The following BANK1 variants were observed in gnomAD, a reference collection of about 807,000 sequenced individuals.
BANK1 encodes B cell scaffold protein with ankyrin repeats 1.
A neutral mutation model predicts 94.5 loss-of-function variants in BANK1; 95 were observed. The ratio of observed to expected loss-of-function variants is 1.00; its 90% CI spans 0.85 to 1.19. BANK1 has a LOEUF of 1.19. BANK1 is among the 50% of genes most tolerant of loss of function. BANK1 has a pLI of 0.00. For synonymous variants in BANK1, 334 were observed against 308.4 expected, an observed-to-expected ratio of 1.08 and a Z score of -0.87; for missense variants, 987 against 932.2, an observed-to-expected ratio of 1.06 and a Z score of -0.77.
chr4:101,827,518 G>A (rs180703900), intron 1 of BANK1, among the ~76,000 whole-genome samples: 4 of 152,040 alleles, frequency 2.6e-5, no homozygotes, highest in Admixed American at 2.6e-4. Context: ...TTCCCACTGT[G>A]TAATCACTTT....
In BANK1 at chr4:101,882,609, G is replaced by A. The variant is rs553453774; in HGVS notation, c.903+11965G>A. On this transcript the variant is annotated intron_variant, in intron 5 of 16. Transcript: ENST00000322953. ...TGCATTAGTTCTGAATGAGGCAGGA[G>A]CAAGAGTTAGATTCTTTTACTAAAT... Among the ~76,000 whole-genome samples, 149 of 152,320 alleles carry A rather than the reference G, an allele frequency of 9.8e-4. 1 individual carries two copies. Among genetic ancestry groups the A allele is most frequent in the Non-Finnish European group, 1.7e-3 (117 of 68,022 alleles).
At chr4:102,060,860 T>C (rs1728396083) in intron 12 of BANK1, among the ~76,000 whole-genome samples, 1 of 152,182 alleles carries the variant, frequency 6.6e-6, no homozygotes, top group Non-Finnish European at 1.5e-5. Context: ...TTTACATATA[T>C]ATGTTCAAAT....
chr4:101,872,709 G>A (rs575090984), intron 5 of BANK1, among the ~76,000 whole-genome samples: 15 of 152,124 alleles, frequency 9.9e-5, no homozygotes, highest in African/African-American at 3.4e-4. Flanking sequence ...TTTTGTGGTC[G>A]GGCATGGTAA....
chr4:101,847,766 CACACACACAT>C (rs1378022064), intron 2 of BANK1, among the ~76,000 whole-genome samples: 3 of 149,332 alleles, frequency 2.0e-5, no homozygotes, highest in African/African-American at 7.5e-5. Context: ...CACACACACA[CACACACACAT>C]ATGTCTCACA....
intron 5 of BANK1, among the ~76,000 whole-genome samples, chr4:101,894,300 A>G (rs1436595341): frequency 6.6e-6 from 1 of 152,034 alleles, no homozygotes; most frequent in African/African-American, 2.4e-5. Context: ...ATGCTTATGA[A>G]TGCTGGGTTT....
intron 3 of BANK1, 102 bp downstream of exon 3, chr4:101,855,291 C>A: frequency 8.3e-7 from 1 of 1,209,202 alleles, no homozygotes; most frequent in Non-Finnish European, 1.1e-6. Context: ...GTTGCCCAGG[C>A]TGGTCTTTAA....
intron 1 of BANK1, among the ~76,000 whole-genome samples, chr4:101,808,260 T>C (rs66638185): frequency 0.26 from 40,011 of 151,990 alleles, 5,633 homozygotes; most frequent in Non-Finnish European, 0.32. Flanking sequence ...TAGACATTTC[T>C]GTTTTTTAGA....
chr4:101,901,788 T>G (rs1265944144), intron 6 of BANK1, among the ~76,000 whole-genome samples: 1 of 151,480 alleles, frequency 6.6e-6, no homozygotes, highest in Non-Finnish European at 1.5e-5. Flanking sequence ...TGAAACAGAG[T>G]CTTGCTCTGT....
intron 1 of BANK1, among the ~76,000 whole-genome samples, chr4:101,798,771 G>A (rs1197136696): frequency 1.3e-5 from 2 of 152,188 alleles, no homozygotes; most frequent in African/African-American, 4.8e-5. Context: ...TTTGAGAAGT[G>A]TGTGTTCATA....
intron 5 of BANK1, among the ~76,000 whole-genome samples, chr4:101,890,305 C>G (rs2148889123): frequency 6.6e-6 from 1 of 152,102 alleles, no homozygotes; most frequent in Middle Eastern, 3.4e-3. Flanking sequence ...TTTCTCCTTT[C>G]AGTTCTGTCC....
At chr4:101,933,784 T>C (rs745909022) in intron 7 of BANK1, among the ~76,000 whole-genome samples, 1 of 151,546 alleles carries the variant, frequency 6.6e-6, no homozygotes, top group Non-Finnish European at 1.5e-5. Context: ...GTCAGGGCAG[T>C]AAACAGCTCT....
chr4:102,035,725 T>A (rs1421879142), intron 10 of BANK1, among the ~76,000 whole-genome samples: 2 of 152,208 alleles, frequency 1.3e-5, no homozygotes, highest in Non-Finnish European at 2.9e-5. Context: ...ATCCCATTGC[T>A]GTTGTACTAA....
chr4:101,895,466 A>T, intron 6 of BANK1, 56 bp downstream of exon 6: 1 of 1,081,546 alleles, frequency 9.2e-7, no homozygotes, highest in Non-Finnish European at 1.4e-6. Flanking sequence ...ATTCTATGTA[A>T]CTCTTTAATG....
chr4:102,037,352 A>G (rs905348732), intron 10 of BANK1, among the ~76,000 whole-genome samples: 1 of 152,246 alleles, frequency 6.6e-6, no homozygotes, highest in Non-Finnish European at 1.5e-5. Flanking sequence ...GTTAAGCCAG[A>G]GTAAAGAAAT....
intron 13 of BANK1, among the ~76,000 whole-genome samples, chr4:102,067,003 AGAG>A (rs1170710497): frequency 1.3e-5 from 2 of 152,150 alleles, no homozygotes; most frequent in Non-Finnish European, 1.5e-5. Flanking sequence ...CAAAGTAGGA[AGAG>A]GAGAGAGAGG....
chr4:101,841,819 C>G (rs1221237411), intron 2 of BANK1, among the ~76,000 whole-genome samples: 2 of 134,558 alleles, frequency 1.5e-5, no homozygotes, highest in Non-Finnish European at 1.5e-5. Flanking sequence ...TGTTCCCCTT[C>G]CTGTGTCCAT....
At chr4:101,899,051 T>A (rs963582924) in intron 6 of BANK1, among the ~76,000 whole-genome samples, 1 of 152,072 alleles carries the variant, frequency 6.6e-6, no homozygotes, top group African/African-American at 2.4e-5. Flanking sequence ...GAGATATTTT[T>A]CCAGTATACA....
rs116128899 is a variant in BANK1, at chr4:101,873,833, A to G, written c.903+3189A>G. 3.3e-3 allele frequency among the ~76,000 whole-genome samples: 499 copies of G among 152,324 alleles called. 3 individuals carry two copies. The highest frequency in any genetic ancestry group is 0.011 in the African/African-American group (468 of 41,588). ...GAATTGAAGTGCTAGTGTTAGAAAT[A>G]CTGGTAACTCCTATTGAACTAAGGT... On this transcript the variant is annotated intron_variant, in intron 5 of 16. Coordinates refer to ENST00000322953, the MANE Select transcript of BANK1 (RefSeq NM_017935.5).
In BANK1 at chr4:101,855,275, C is replaced by T. The variant is rs1189574221; in HGVS notation, c.624+86C>T. 5.2e-6 allele frequency: 7 copies of T among 1,351,484 alleles called. No homozygotes were observed. In the East Asian group the frequency reaches 1.2e-4, roughly 23 times the overall value. 83.7% of individuals were successfully genotyped at this position (1,351,484 alleles called of 1,614,324 possible). A position where few individuals can be genotyped will look rare whatever the true frequency, so the allele number is the denominator to read the frequency against. On this transcript the variant is annotated intron_variant, in intron 3 of 16. Transcript: ENST00000322953. ...GTTGTTGTTTGGAGAGACAGGGTCT[C>T]ATTAGGTTGCCCAGGCTGGTCTTTA...
Sources: gnomAD v4.1 joint callset for allele counts (sites outside exome capture counted in the v4.1 genomes callset) on GRCh38, gnomAD v4.1.1 for gene constraint, MANE v1.5 for transcripts, NCBI Gene and HGNC (gene_info 2026-07-23, HGNC 2026-07-21) for gene names.